Variants in TANGO6 observed in about 807,000 individuals in gnomAD.
TANGO6 encodes the protein transport and golgi organization 6 homolog.
A neutral mutation model predicts 114.2 loss-of-function variants in TANGO6; 90 were observed. The ratio of observed to expected loss-of-function variants is 0.79; its 90% confidence interval spans 0.66 to 0.94. The LOEUF (loss-of-function observed/expected upper bound fraction) is 0.94. Ranked by LOEUF, TANGO6 falls within the 40% of genes least tolerant of loss-of-function variation. The pLI is 0.00. For missense variants in TANGO6, 1,274 were observed against 1,315.3 expected (o/e 0.97, Z 0.49); for synonymous variants, 477 against 509.8 (o/e 0.94, Z 0.87).
At chr16:69,007,785 G>C (rs918751591) in intron 15 of TANGO6, among the ~76,000 whole-genome samples, 7 of 152,020 alleles carry the variant, frequency 4.6e-5, no homozygotes, top group South Asian at 2.1e-4. Context: ...AGTGTAGAAG[G>C]GTTCCAGTTT....
At chr16:68,875,520 A>C (rs182093009) in intron 5 of TANGO6, among the ~76,000 whole-genome samples, 344 of 152,290 alleles carry the variant, frequency 2.3e-3, no homozygotes, top group Non-Finnish European at 3.8e-3. Context: ...TAATCTCAGC[A>C]CTTTGGGAGG....
intron 16 of TANGO6, among the ~76,000 whole-genome samples, chr16:69,031,478 A>T (rs1204853106): frequency 6.6e-6 from 1 of 151,992 alleles, no homozygotes; most frequent in Non-Finnish European, 1.5e-5. Context: ...AGGTGAACAG[A>T]TCACTTGAGG....
chr16:68,913,428 A>G (rs1157259501), intron 11 of TANGO6, among the ~76,000 whole-genome samples: 1 of 103,338 alleles, frequency 9.7e-6, no homozygotes. Flanking sequence ...TTTTTTTTTG[A>G]GACAGAGTCT....
intron 15 of TANGO6, among the ~76,000 whole-genome samples, chr16:69,007,558 C>A (rs1437911393): frequency 6.6e-6 from 1 of 152,094 alleles, no homozygotes; most frequent in South Asian, 2.1e-4. Flanking sequence ...AGCCACTGTG[C>A]CCGGCCTGGA....
chr16:69,057,800 G>C (rs570620764), intron 17 of TANGO6, among the ~76,000 whole-genome samples: 14 of 152,234 alleles, frequency 9.2e-5, no homozygotes, highest in Middle Eastern at 3.4e-3. Context: ...TGACCTCCCG[G>C]GACCTGCCAA....
chr16:68,875,243 C>A lies in TANGO6; in HGVS notation c.1084C>A (p.Gln362Lys), dbSNP rs770737727. ...CGCAAAGATTTTGGCCTCTTGTCCC[C>A]AGCAGTCTCTTTCACCAGAGAATTA... ...LIAKILASCP[Q>K]QSLSPENYYR... The change falls in exon 5 of 18, where the codon CAG (glutamine) becomes AAG (lysine). Residue 362 changes from glutamine (Q) to lysine (K), a missense_variant. Coordinates refer to ENST00000261778, the MANE Select transcript of TANGO6 (RefSeq NM_024562.2). The A allele has an allele frequency of 8.7e-6, 14 of 1,613,676 alleles. No individual in the cohort carries two copies. In the Admixed American group the frequency reaches 2.2e-4, roughly 25 times the overall value.
chr16:69,022,714 T>A (rs569176451), intron 15 of TANGO6, 114 bp from the exon 16 acceptor site: 140 of 1,163,750 alleles, frequency 1.2e-4, no homozygotes, highest in East Asian at 6.2e-4. Context: ...AAAAAAAAAA[T>A]AAAAACAAAA....
intron 16 of TANGO6, among the ~76,000 whole-genome samples, chr16:69,025,488 C>A (rs1959485779): frequency 6.6e-6 from 1 of 152,114 alleles, no homozygotes; most frequent in Admixed American, 6.5e-5. Flanking sequence ...TAAAACAAGG[C>A]ACCACTCAAA....
chr16:69,000,870 G>A (rs550343404), intron 15 of TANGO6, among the ~76,000 whole-genome samples: 176 of 152,256 alleles, frequency 1.2e-3, no homozygotes, highest in Admixed American at 3.5e-3. Flanking sequence ...GGGATTACAG[G>A]CATGAGCCAC....
intron 12 of TANGO6, among the ~76,000 whole-genome samples, chr16:68,922,940 T>G (rs941106019): frequency 2.3e-4 from 21 of 92,022 alleles, no homozygotes; most frequent in African/African-American, 3.7e-4. Flanking sequence ...TTAGGTCATG[T>G]TTTTTTTTTT....
chr16:68,943,041 C>T (rs928999018), intron 14 of TANGO6, among the ~76,000 whole-genome samples: 3 of 150,822 alleles, frequency 2.0e-5, no homozygotes, highest in African/African-American at 4.9e-5. Context: ...GCTGGGACTA[C>T]GGGCATATGC....
At position 69,083,428 on chromosome 16, in the gene TANGO6, C is replaced by T. The variant is rs557734208; in HGVS notation, c.3109-57C>T. On this transcript the variant is annotated intron_variant, in intron 17 of 17. Transcript: ENST00000261778. The stretch of plus-strand genomic sequence containing the variant: ...AGGCAGGAGGAGAGGGCAGTTCAGT[C>T]GTACTGAGAAATGCCGGCACAGTAG... 240 of 1,540,238 alleles carry T rather than the reference C, an allele frequency of 1.6e-4. 3 individuals are homozygous for T. The South Asian group carries it at 2.6e-3, about 17-fold the overall frequency.
rs1831147812 is a variant in TANGO6, at chr16:69,085,081, GA to G, written c.*1421del. On this transcript the variant is annotated 3_prime_UTR_variant, in exon 18 of 18. Transcript: ENST00000261778. ...ATTAATTTCTATTCTCCAAATCAAG[GA>G]TGTCTAGAAAATGGGCATTGTGGCT... The G allele has an allele frequency of 6.6e-6, 1 of 152,306 alleles. No individual in the cohort carries two copies. The allele number at this position is 152,306 out of a possible 1,614,324, so 9.4% of individuals were successfully genotyped here.
chr16:68,943,826 T>A (rs1187459967), intron 14 of TANGO6, among the ~76,000 whole-genome samples: 1 of 152,250 alleles, frequency 6.6e-6, no homozygotes, highest in Non-Finnish European at 1.5e-5. Flanking sequence ...GTCAAAATAA[T>A]ATTTTTTAAA....
At chr16:69,033,442 G>A (rs1057388315) in intron 16 of TANGO6, among the ~76,000 whole-genome samples, 5 of 152,342 alleles carry the variant, frequency 3.3e-5, no homozygotes, top group African/African-American at 1.2e-4. Flanking sequence ...AGTAACTTGT[G>A]TGAAACGCAG....
intron 16 of TANGO6, chr16:69,033,810 A>T (rs1164676011): frequency 6.5e-6 from 1 of 153,346 alleles, no homozygotes; most frequent in African/African-American, 2.4e-5. Flanking sequence ...ACTCACAGAG[A>T]CATGACTGAG....
intron 4 of TANGO6, among the ~76,000 whole-genome samples, chr16:68,869,680 C>G (rs1268788935): frequency 6.6e-6 from 1 of 152,148 alleles, no homozygotes; most frequent in Admixed American, 6.6e-5. Flanking sequence ...TTATCCCCTG[C>G]CTGTTAGTTT....
intron 17 of TANGO6, among the ~76,000 whole-genome samples, chr16:69,080,540 AC>A (rs1252400448): frequency 1.3e-5 from 2 of 152,134 alleles, no homozygotes; most frequent in African/African-American, 2.4e-5. Context: ...ACAGAGTGAG[AC>A]CCTGTCTAAA....
At chr16:69,047,020 A>C (rs1959870927) in intron 17 of TANGO6, among the ~76,000 whole-genome samples, 1 of 150,388 alleles carries the variant, frequency 6.6e-6, no homozygotes, top group African/African-American at 2.5e-5. Context: ...GTCTTTACTA[A>C]AAATACAAAG....
Sources: gnomAD v4.1 joint callset for allele counts (sites outside exome capture counted in the v4.1 genomes callset) on GRCh38, gnomAD v4.1.1 for gene constraint, MANE v1.5 for transcripts, NCBI Gene and HGNC (gene_info 2026-07-23, HGNC 2026-07-21) for gene names.